PCDHA4: variants seen among roughly 807,000 people sequenced by gnomAD.
PCDHA4 encodes the protein protocadherin alpha-4.
PCDHA4 carries 49 observed loss-of-function variants against 61.4 expected under a neutral mutation model. The observed-to-expected ratio is 0.80, with a 90% CI of 0.63 to 1.01. The LOEUF (loss-of-function observed/expected upper bound fraction) is 1.01. PCDHA4 is among the 50% of genes least tolerant of loss of function. PCDHA4 has a pLI of 0.00. For missense variants in PCDHA4, 1,254 were observed against 1,235.8 expected (o/e 1.01, Z -0.22); for synonymous variants, 590 against 550.3 (o/e 1.07, Z -1.01).
intron 1 of PCDHA4, among the ~76,000 whole-genome samples, chr5:140,911,234 C>A (rs1554194655): frequency 6.6e-6 from 1 of 151,890 alleles, no homozygotes; most frequent in South Asian, 2.1e-4. Context: ...TTTCTTCTGG[C>A]AAAAAAAGTT....
chr5:140,966,499 A>AGCG (rs1178498918), intron 1 of PCDHA4: 4 of 431,834 alleles, frequency 9.3e-6, no homozygotes, highest in Non-Finnish European at 1.6e-5. Flanking sequence ...CTGGAGCTGT[A>AGCG]GCGGCAGCAG....
chr5:140,859,326 A>G (rs2045811679), intron 1 of PCDHA4: 1 of 227,460 alleles, frequency 4.4e-6, no homozygotes, highest in East Asian at 1.7e-4. Context: ...GTTTGAGGAG[A>G]AAATAAAATT....
intron 1 of PCDHA4, among the ~76,000 whole-genome samples, chr5:140,827,144 T>C (rs1554130721): frequency 6.6e-6 from 1 of 152,204 alleles, no homozygotes; most frequent in African/African-American, 2.4e-5. Flanking sequence ...AAAGAAGGGA[T>C]GCAGATATGG....
At chr5:140,926,517 C>G (rs1428470636) in intron 1 of PCDHA4, 1 of 201,972 alleles carries the variant, frequency 5.0e-6, no homozygotes. Flanking sequence ...CCAGGCTCCG[C>G]CCTGCGCCCG....
intron 1 of PCDHA4, among the ~76,000 whole-genome samples, chr5:140,914,495 A>G (rs1469336186): frequency 2.0e-5 from 3 of 152,164 alleles, no homozygotes; most frequent in Non-Finnish European, 4.4e-5. Context: ...CTTGTGGGCA[A>G]CAGATCATTG....
chr5:140,829,101 TA>T (rs1562303098), intron 1 of PCDHA4: 1 of 1,611,922 alleles, frequency 6.2e-7, no homozygotes, highest in Admixed American at 1.7e-5. Flanking sequence ...TGCACCGTTT[TA>T]GTGAGAATTT....
intron 1 of PCDHA4, among the ~76,000 whole-genome samples, chr5:140,899,732 T>C (rs1174883648): frequency 6.6e-6 from 1 of 152,222 alleles, no homozygotes; most frequent in Non-Finnish European, 1.5e-5. Context: ...TTTCTATTGA[T>C]TGGAATAGTT....
chr5:141,004,351 G>T (rs547017222), intron 3 of PCDHA4, among the ~76,000 whole-genome samples: 1 of 152,332 alleles, frequency 6.6e-6, no homozygotes, highest in African/African-American at 2.4e-5. Flanking sequence ...TGAGGGACTG[G>T]AGAGACCACA....
chr5:140,826,841 G>A (rs1217681651), intron 1 of PCDHA4, among the ~76,000 whole-genome samples: 1 of 152,138 alleles, frequency 6.6e-6, no homozygotes, highest in Non-Finnish European at 1.5e-5. Flanking sequence ...AGTTTCTCAA[G>A]TGTCTTGCAA....
In PCDHA4 at chr5:140,869,777, C is replaced by A. The variant is rs184691375; in HGVS notation, c.2385+60205C>A. On this transcript the variant is annotated intron_variant, in intron 1 of 3. Transcript: ENST00000530339. ...GGGGGAAAACCAGAGCTTACTGGCA[C>A]CGTTCGGCTGTTAGTCCAAGTCTTG... The A allele has an allele frequency of 1.0e-4, 167 of 1,612,982 alleles. 1 individual carries two copies. The highest frequency in any genetic ancestry group is 6.8e-6 in the Non-Finnish European group (8 of 1,179,600).
At chr5:140,980,437 C>G (rs1586844281) in intron 2 of PCDHA4, among the ~76,000 whole-genome samples, 1 of 152,156 alleles carries the variant, frequency 6.6e-6, no homozygotes, top group Admixed American at 6.5e-5. Flanking sequence ...CGAGACCATC[C>G]TGGACAACAC....
chr5:140,872,850 G>A (rs1439631581), intron 1 of PCDHA4, among the ~76,000 whole-genome samples: 2 of 152,084 alleles, frequency 1.3e-5, no homozygotes, highest in East Asian at 3.8e-4. Context: ...ATATATTAAT[G>A]TGAGTACCTA....
intron 3 of PCDHA4, among the ~76,000 whole-genome samples, chr5:140,985,544 G>T (rs1426303468): frequency 6.6e-6 from 1 of 152,108 alleles, no homozygotes; most frequent in Non-Finnish European, 1.5e-5. Flanking sequence ...TGAAGATGCA[G>T]TTGCTTCCAA....
chr5:140,974,440 C>T (rs782138345), intron 1 of PCDHA4, among the ~76,000 whole-genome samples: 7 of 152,182 alleles, frequency 4.6e-5, no homozygotes, highest in Admixed American at 1.3e-4. Context: ...TGTAAATTAG[C>T]ATTTTAAATG....
intron 3 of PCDHA4, among the ~76,000 whole-genome samples, chr5:140,990,307 A>C (rs1409511282): frequency 2.6e-5 from 4 of 152,132 alleles, no homozygotes; most frequent in Non-Finnish European, 5.9e-5. Flanking sequence ...TGTCTGTAAA[A>C]AACCAACCAA....
chr5:141,003,608 C>T (rs951443168), intron 3 of PCDHA4, among the ~76,000 whole-genome samples: 3 of 152,136 alleles, frequency 2.0e-5, no homozygotes, highest in East Asian at 1.9e-4. Flanking sequence ...CCACCATTCC[C>T]GGCCCCAGAG....
In PCDHA4 at chr5:140,982,326, G is replaced by T. The variant is rs1369721700; in HGVS notation, c.2445-149G>T. 1.6e-5 allele frequency: 22 copies of T among 1,411,958 alleles called. No homozygotes were observed. In the Admixed American group the frequency reaches 3.0e-4, roughly 20 times the overall value. The allele number at this position is 1,411,958 out of a possible 1,614,324, so 87.5% of individuals were successfully genotyped here. On this transcript the variant is annotated intron_variant, in intron 2 of 3. Transcript: ENST00000530339. ...CTTCTGCAGTTTATGCAGGGTGACTGCTCAGCAGTAATTGCTTCAGTTCAA... is the reference window on the plus strand; with the variant it reads ...CTTCTGCAGTTTATGCAGGGTGACTTCTCAGCAGTAATTGCTTCAGTTCAA...
intron 1 of PCDHA4, chr5:140,929,740 A>G (rs2086345950): frequency 5.1e-6 from 1 of 196,656 alleles, no homozygotes; most frequent in African/African-American, 2.3e-5. Context: ...AACTATTGCA[A>G]TGCATTATTA....
intron 3 of PCDHA4, among the ~76,000 whole-genome samples, chr5:141,008,176 C>T (rs2098363819): frequency 6.6e-6 from 1 of 152,032 alleles, no homozygotes; most frequent in East Asian, 1.9e-4. Context: ...AAAATGTGAC[C>T]ATTGATTGTG....
Sources: allele counts gnomAD v4.1 joint callset (sites outside exome capture counted in the v4.1 genomes callset), GRCh38; gene constraint gnomAD v4.1.1; transcripts MANE v1.5; gene names NCBI Gene and HGNC (gene_info 2026-07-23, HGNC 2026-07-21).